Variants in ASH1L observed in about 807,000 individuals in gnomAD.
ASH1L encodes the protein histone-lysine N-methyltransferase ASH1L.
ASH1L carries 23 observed loss-of-function variants against 269.0 expected under a neutral mutation model. The ratio of observed to expected loss-of-function variants is 0.09; its 90% confidence interval spans 0.06 to 0.12. The LOEUF (loss-of-function observed/expected upper bound fraction) is 0.12, where lower values mean the gene tolerates loss of function less well. ASH1L is among the 10% of genes least tolerant of loss of function. The pLI, the probability that ASH1L is intolerant of heterozygous loss-of-function variation, is 1.00. For missense variants in ASH1L, 2,912 were observed against 3,567.8 expected, an observed-to-expected ratio of 0.82 and a Z score of 4.68; for synonymous variants, 1,187 against 1,253.5, an observed-to-expected ratio of 0.95 and a Z score of 1.12.
chr1:155,364,299 A>T (rs116309973), intron 12 of ASH1L, among the ~76,000 whole-genome samples: 5,284 of 152,244 alleles, frequency 0.035, 300 homozygotes, highest in African/African-American at 0.12. Context: ...TCTAGTTGAC[A>T]TTCTTGCACA....
At chr1:155,406,994 A>C (rs376608426) in intron 6 of ASH1L, among the ~76,000 whole-genome samples, 2 of 152,180 alleles carry the variant, frequency 1.3e-5, no homozygotes, top group African/African-American at 4.8e-5. Flanking sequence ...GATGCTTGAC[A>C]GTATTACTTA....
At chr1:155,499,949 T>C (rs886855454) in intron 2 of ASH1L, among the ~76,000 whole-genome samples, 3 of 152,200 alleles carry the variant, frequency 2.0e-5, no homozygotes, top group Non-Finnish European at 4.4e-5. Context: ...GCAGATATCC[T>C]AGCTATGAAA....
intron 5 of ASH1L, among the ~76,000 whole-genome samples, chr1:155,425,056 G>A (rs944555978): frequency 1.3e-4 from 19 of 151,838 alleles, no homozygotes; most frequent in Middle Eastern, 3.4e-3. Context: ...TGCAATCTCC[G>A]CCTCCCAGGT....
intron 1 of ASH1L, among the ~76,000 whole-genome samples, chr1:155,532,380 CAAT>C (rs1669725924): frequency 6.6e-6 from 1 of 152,096 alleles, no homozygotes; most frequent in South Asian, 2.1e-4. Context: ...GATAATCTAA[CAAT>C]ATGTTAAAAA....
chr1:155,527,614 G>A (rs1669354163), intron 1 of ASH1L, among the ~76,000 whole-genome samples: 1 of 143,346 alleles, frequency 7.0e-6, no homozygotes, highest in South Asian at 2.2e-4. Flanking sequence ...ATAGCTCACT[G>A]CAGCCTCAAA....
At chr1:155,374,131 T>A (rs1356011416) in intron 10 of ASH1L, among the ~76,000 whole-genome samples, 1 of 152,008 alleles carries the variant, frequency 6.6e-6, no homozygotes, top group Non-Finnish European at 1.5e-5. Context: ...GAGTTCGAGA[T>A]CAGCCTGGCC....
intron 25 of ASH1L, among the ~76,000 whole-genome samples, chr1:155,341,277 C>T (rs1036371317): frequency 5.3e-5 from 8 of 151,104 alleles, no homozygotes; most frequent in Non-Finnish European, 7.4e-5. Flanking sequence ...CCTGGGTTCA[C>T]GCTATTCTCC....
intron 6 of ASH1L, among the ~76,000 whole-genome samples, chr1:155,410,073 G>C (rs1362791303): frequency 6.6e-6 from 1 of 151,674 alleles, no homozygotes; most frequent in Non-Finnish European, 1.5e-5. Context: ...GCTGAGGCAG[G>C]AGAATTGCTT....
At chr1:155,377,583 C>CA (rs200153935) in intron 10 of ASH1L, among the ~76,000 whole-genome samples, 1,534 of 151,554 alleles carry the variant, frequency 0.01, 30 homozygotes, top group African/African-American at 0.036. Flanking sequence ...CAAAACAAAA[C>CA]AAAACAAAAA....
At chr1:155,340,804 C>G (rs1652725680) in intron 25 of ASH1L, among the ~76,000 whole-genome samples, 1 of 146,292 alleles carries the variant, frequency 6.8e-6, no homozygotes, top group Non-Finnish European at 1.5e-5. Flanking sequence ...GAGACAGGGT[C>G]TCTGTCACTC....
intron 2 of ASH1L, among the ~76,000 whole-genome samples, chr1:155,490,533 G>A (rs1435927724): frequency 6.6e-6 from 1 of 151,404 alleles, no homozygotes; most frequent in Non-Finnish European, 1.5e-5. Flanking sequence ...AGGCAGAATT[G>A]CTTGAACCCA....
At chr1:155,470,986 T>C (rs2148702058) in intron 3 of ASH1L, among the ~76,000 whole-genome samples, 1 of 152,318 alleles carries the variant, frequency 6.6e-6, no homozygotes, top group South Asian at 2.1e-4. Flanking sequence ...ACAAAAGATA[T>C]CTGAGCCTGA....
chr1:155,349,923 T>C (rs1320458174), intron 17 of ASH1L, among the ~76,000 whole-genome samples: 1 of 136,272 alleles, frequency 7.3e-6, no homozygotes, highest in Non-Finnish European at 1.6e-5. Context: ...AGAGTTTCGC[T>C]CTGTTGCCCA....
chr1:155,507,454 C>T (rs1667886971), intron 2 of ASH1L, among the ~76,000 whole-genome samples: 2 of 152,086 alleles, frequency 1.3e-5, no homozygotes, highest in African/African-American at 2.4e-5. Flanking sequence ...TCATGAAATC[C>T]ACTCATCTAG....
At chr1:155,341,119 G>A (rs1189350309) in intron 25 of ASH1L, among the ~76,000 whole-genome samples, 12 of 149,926 alleles carry the variant, frequency 8.0e-5, no homozygotes, top group Admixed American at 2.0e-4. Flanking sequence ...TTACAGGTGC[G>A]CGCCACCACA....
intron 1 of ASH1L, among the ~76,000 whole-genome samples, chr1:155,554,081 G>A (rs932304130): frequency 1.3e-5 from 2 of 150,378 alleles, no homozygotes; most frequent in South Asian, 2.1e-4. Flanking sequence ...CGCCCGGCCC[G>A]AGTTTTTTTT....
chr1:155,380,633 ATTC>A (rs1656851124), intron 7 of ASH1L, among the ~76,000 whole-genome samples: 1 of 151,236 alleles, frequency 6.6e-6, no homozygotes, highest in Non-Finnish European at 1.5e-5. Context: ...AAAGAATGAA[ATTC>A]TTTTTTTTTT....
chr1:155,485,931 T>C (rs113737543), intron 2 of ASH1L, among the ~76,000 whole-genome samples: 1 of 152,040 alleles, frequency 6.6e-6, no homozygotes, highest in East Asian at 1.9e-4. Context: ...TTGTATTAAA[T>C]TTCCCATAAT....
chr1:155,474,924 A>C (rs1405791155), intron 3 of ASH1L, among the ~76,000 whole-genome samples: 1 of 152,220 alleles, frequency 6.6e-6, no homozygotes, highest in Non-Finnish European at 1.5e-5. Flanking sequence ...GCAGAAGGCA[A>C]AATCATCATT....
Sources: allele counts gnomAD v4.1 joint callset (sites outside exome capture counted in the v4.1 genomes callset), GRCh38; gene constraint gnomAD v4.1.1; transcripts MANE v1.5; gene names NCBI Gene and HGNC (gene_info 2026-07-23, HGNC 2026-07-21).